LIN28B: variants seen among roughly 807,000 people sequenced by gnomAD.
LIN28B encodes the protein protein lin-28 homolog B.
In LIN28B, 5 loss-of-function variants were observed where a neutral mutation model predicts 21.9. The ratio of observed to expected loss-of-function variants is 0.23; its 90% CI spans 0.12 to 0.48. The LOEUF is 0.48. Ranked by LOEUF, LIN28B falls within the 20% of genes least tolerant of loss-of-function variation. The pLI is 0.98. For missense variants in LIN28B, 245 were observed against 310.5 expected (o/e 0.79, Z 1.58); for synonymous variants, 109 against 111.3 (o/e 0.98, Z 0.13).
rs191901399 is a variant in LIN28B at position 104,992,076 on chromosome 6, T to C, written c.198+33790T>C. Among the ~76,000 whole-genome samples, 283 of 152,102 alleles carry C rather than the reference T, an allele frequency of 1.9e-3. 4 individuals are homozygous for C. Among genetic ancestry groups the C allele is most frequent in the Non-Finnish European group, 2.6e-3 (178 of 67,936 alleles). On this transcript the variant is annotated intron_variant, in intron 2 of 3. Coordinates refer to ENST00000345080, the MANE Select transcript of LIN28B (RefSeq NM_001004317.4). The stretch of plus-strand genomic sequence containing the variant: ...TTTAATCTGTTCACATCTTGTTTTT[T>C]TTTTTTGAGATGGAGTTTTGCTCTT...
At chr6:105,074,870 T>C (rs891380087) in intron 3 of LIN28B, among the ~76,000 whole-genome samples, 2 of 152,248 alleles carry the variant, frequency 1.3e-5, no homozygotes, top group Non-Finnish European at 2.9e-5. Flanking sequence ...CACACCTGGC[T>C]AATTTTTTGT....
chr6:104,937,564 C>G (rs1049901209), intron 2 of LIN28B, among the ~76,000 whole-genome samples: 6 of 152,168 alleles, frequency 3.9e-5, no homozygotes, highest in African/African-American at 1.2e-4. Flanking sequence ...CGCGCCTGGC[C>G]AACTCTATTT....
intron 2 of LIN28B, among the ~76,000 whole-genome samples, chr6:104,940,680 C>G (rs1388375254): frequency 6.6e-6 from 1 of 150,490 alleles, no homozygotes; most frequent in East Asian, 2.0e-4. Context: ...GCCGCCGCCG[C>G]GCCCCGCGCT....
chr6:105,042,467 C>G (rs1270137304), intron 3 of LIN28B, among the ~76,000 whole-genome samples: 1 of 151,982 alleles, frequency 6.6e-6, no homozygotes, highest in Non-Finnish European at 1.5e-5. Context: ...TTTTTTCCTT[C>G]TCTCCTGGAA....
chr6:105,064,246 A>T (rs1031812080), intron 3 of LIN28B, among the ~76,000 whole-genome samples: 2 of 152,222 alleles, frequency 1.3e-5, no homozygotes, highest in Admixed American at 1.3e-4. Context: ...TAAGTGAGAG[A>T]ACCAAATGTT....
Position 104,997,794 on chromosome 6 carries a change from A to G in LIN28B, c.199-28504A>G, listed in dbSNP as rs1770643019. ...AGTCTTAGCACATTAGCTAAGGCTGACACTTCCGGGTTTATATGCCTAGCA... is the reference window on the plus strand; with the variant it reads ...AGTCTTAGCACATTAGCTAAGGCTGGCACTTCCGGGTTTATATGCCTAGCA... On this transcript the variant is annotated intron_variant, in intron 2 of 3. Transcript: ENST00000345080. 2.6e-5 allele frequency among the ~76,000 whole-genome samples: 4 copies of G among 152,194 alleles called. No individual in the cohort carries two copies. The South Asian group carries it at 8.3e-4, about 31-fold the overall frequency.
rs893223689 is a variant in LIN28B at position 105,078,703 on chromosome 6, G to A, written c.673G>A (p.Ala225Thr). ...ACGGTCAGGCAGGTCACCTCAAGAAGCTTCCTCCACGAAGTCATCTATAGC... is the reference window on the plus strand; with the variant it reads ...ACGGTCAGGCAGGTCACCTCAAGAAACTTCCTCCACGAAGTCATCTATAGC... ...SERSGRSPQE[A>T]SSTKSSIAPE... The change falls in exon 4 of 4, where the codon GCT becomes ACT. Residue 225 changes from alanine to threonine, a missense_variant. By Grantham distance (58) the Ala-to-Thr change is moderately conservative (BLOSUM62 0). Transcript: ENST00000345080. 1.2e-6 allele frequency: 2 copies of A among 1,614,086 alleles called. No homozygotes were observed. The highest frequency in any genetic ancestry group is 1.7e-6 in the Non-Finnish European group (2 of 1,180,032).
chr6:104,983,089 G>A (rs1389259710), intron 2 of LIN28B, among the ~76,000 whole-genome samples: 1 of 152,030 alleles, frequency 6.6e-6, no homozygotes, highest in Non-Finnish European at 1.5e-5. Flanking sequence ...CATAACACCT[G>A]GTCTTTCTAA....
chr6:105,018,566 T>C (rs1260489760), intron 2 of LIN28B, among the ~76,000 whole-genome samples: 1 of 152,172 alleles, frequency 6.6e-6, no homozygotes, highest in Non-Finnish European at 1.5e-5. Flanking sequence ...GACCCCTCCT[T>C]TGTATTATTC....
intron 2 of LIN28B, among the ~76,000 whole-genome samples, chr6:105,011,464 A>T (rs1442349901): frequency 1.3e-5 from 2 of 152,210 alleles, no homozygotes; most frequent in Admixed American, 1.3e-4. Flanking sequence ...TGCTAGGAGT[A>T]TAGGCGTGAG....
chr6:104,971,975 T>C (rs1467316190), intron 2 of LIN28B, among the ~76,000 whole-genome samples: 1 of 152,096 alleles, frequency 6.6e-6, no homozygotes, highest in African/African-American at 2.4e-5. Context: ...TGTTATTTAT[T>C]TATTTATTTA....
chr6:104,939,273 C>G (rs1778051680), intron 2 of LIN28B: 1 of 152,134 alleles, frequency 6.6e-6, no homozygotes, highest in Non-Finnish European at 1.5e-5. Flanking sequence ...AGAATTGTAT[C>G]TGAAAGAATC....
chr6:105,049,367 C>T (rs1256678627), intron 3 of LIN28B, among the ~76,000 whole-genome samples: 1 of 152,014 alleles, frequency 6.6e-6, no homozygotes, highest in African/African-American at 2.4e-5. Context: ...GCCTGAGAGA[C>T]AGTTTGTTAT....
chr6:104,992,496 GTGTGTGTGTGTGTGTGTGTT>G (rs1193143431), intron 2 of LIN28B, among the ~76,000 whole-genome samples: 3 of 90,994 alleles, frequency 3.3e-5, no homozygotes, highest in Non-Finnish European at 7.5e-5. Context: ...GTGTGTGTGT[GTGTGTGTGTGTGTGTGTGTT>G]TTTTTTTTAA....
chr6:104,947,178 G>T (rs1038424797), intron 2 of LIN28B, among the ~76,000 whole-genome samples: 4 of 152,152 alleles, frequency 2.6e-5, no homozygotes, highest in Non-Finnish European at 5.9e-5. Flanking sequence ...AGGCTGGAGT[G>T]GAGTGGCGGG....
chr6:105,068,297 T>G (rs1004956265), intron 3 of LIN28B, among the ~76,000 whole-genome samples: 1 of 152,228 alleles, frequency 6.6e-6, no homozygotes, highest in African/African-American at 2.4e-5. Flanking sequence ...TCTTCAATTT[T>G]TTTGTCCATT....
In LIN28B at chr6:105,078,949, A is replaced by G; in HGVS notation, c.*166A>G. 1.4e-6 allele frequency: 1 copy of G among 693,250 alleles called. No homozygotes were observed. The highest frequency in any genetic ancestry group is 2.4e-6 in the Non-Finnish European group (1 of 423,974). 42.9% of individuals were successfully genotyped at this position (693,250 alleles called of 1,614,324 possible). On this transcript the variant is annotated 3_prime_UTR_variant, in exon 4 of 4. Transcript: ENST00000345080. ...AATCACTCTAAGCAAATTACATTTG[A>G]GCAGGGTGTCATGTTTTATGTTAAT...
intron 2 of LIN28B, among the ~76,000 whole-genome samples, chr6:104,990,309 T>G (rs1309049913): frequency 6.6e-6 from 1 of 151,756 alleles, no homozygotes; most frequent in Non-Finnish European, 1.5e-5. Context: ...TTTACATATA[T>G]TTATTAGGTT....
intron 3 of LIN28B, among the ~76,000 whole-genome samples, chr6:105,070,109 G>A (rs1416820162): frequency 6.6e-6 from 1 of 152,036 alleles, no homozygotes; most frequent in East Asian, 1.9e-4. Context: ...TTGTCAGTGC[G>A]ACACTTGAGT....
Sources: gnomAD v4.1 joint callset for allele counts (sites outside exome capture counted in the v4.1 genomes callset) on GRCh38, gnomAD v4.1.1 for gene constraint, MANE v1.5 for transcripts, NCBI Gene and HGNC (gene_info 2026-07-23, HGNC 2026-07-21) for gene names.